Variants in CPXM2 observed in about 807,000 individuals in gnomAD.
The protein encoded by CPXM2 is inactive carboxypeptidase-like protein X2.
A neutral mutation model predicts 86.1 loss-of-function variants in CPXM2; 66 were observed. The observed-to-expected ratio is 0.77, with a 90% CI of 0.63 to 0.94. The LOEUF is 0.94. Among genes scored for constraint, CPXM2 ranks in the 40% least tolerant of loss-of-function variants. CPXM2 has a pLI of 0.00. For synonymous variants in CPXM2, 388 were observed against 400.2 expected (o/e 0.97, Z 0.36); for missense variants, 948 against 1,026.3 (o/e 0.92, Z 1.04).
At chr10:123,913,868 T>A (rs1205343956) in intron 2 of CPXM2, 1 of 398,930 alleles carries the variant, frequency 2.5e-6, no homozygotes, top group East Asian at 7.1e-5. Context: ...CCATCCCTCC[T>A]CAGGAGGCAC....
At chr10:123,928,814 G>T (rs1945644223) in intron 2 of CPXM2, among the ~76,000 whole-genome samples, 1 of 151,962 alleles carries the variant, frequency 6.6e-6, no homozygotes, top group South Asian at 2.1e-4. Context: ...AGACATCAGA[G>T]ATAGGAATAA....
Position 123,891,699 on chromosome 10 carries a change from C to A in CPXM2, c.-40G>T. The A allele has an allele frequency of 7.7e-7, 1 of 1,302,308 alleles. No individual in the cohort carries two copies. Among genetic ancestry groups the A allele is most frequent in the South Asian group, 2.3e-5 (1 of 43,674 alleles). 80.7% of individuals were successfully genotyped at this position (1,302,308 alleles called of 1,614,324 possible). A position where few individuals can be genotyped will look rare whatever the true frequency, so the allele number is the denominator to read the frequency against. On this transcript the variant is annotated 5_prime_UTR_variant, in exon 1 of 14. Transcript: ENST00000241305. This position sits in a 1 kb window ranked among gnomAD's most constrained non-coding sequence, Gnocchi z 5.6. ...GCGCCCAGGGCAGGGTCACGGTCAC[C>A]GGGGGCGCCGGGCGGGCTGCGGGCG...
chr10:123,799,498 C>T (rs1272033214), intron 4 of CPXM2, among the ~76,000 whole-genome samples: 1 of 152,226 alleles, frequency 6.6e-6, no homozygotes, highest in Admixed American at 6.5e-5. Context: ...TAATCACTAA[C>T]CGTTGATCAC....
chr10:123,825,882 G>C (rs1848034180), intron 4 of CPXM2, among the ~76,000 whole-genome samples: 1 of 152,090 alleles, frequency 6.6e-6, no homozygotes, highest in South Asian at 2.1e-4. Context: ...AGGTTTTAAA[G>C]ACTGGTATAT....
chr10:123,825,033 T>C (rs1005487440), intron 4 of CPXM2, among the ~76,000 whole-genome samples: 1 of 152,174 alleles, frequency 6.6e-6, no homozygotes, highest in Non-Finnish European at 1.5e-5. Context: ...GCTTAGAAAT[T>C]GGACACTTAC....
intron 2 of CPXM2, among the ~76,000 whole-genome samples, chr10:123,873,630 C>A (rs1356660072): frequency 1.3e-5 from 2 of 151,940 alleles, no homozygotes; most frequent in African/African-American, 4.8e-5. Flanking sequence ...TGTTATAAAC[C>A]TACAGTAATT....
upstream of CPXM2, among the ~76,000 whole-genome samples, chr10:123,893,700 T>C (rs1945310319): frequency 7.1e-6 from 1 of 141,126 alleles, no homozygotes; most frequent in South Asian, 2.5e-4. Flanking sequence ...TCCCCAGGGC[T>C]CACTCCTGGG....
chr10:123,825,044 C>T (rs1015165059), intron 4 of CPXM2, among the ~76,000 whole-genome samples: 5 of 152,166 alleles, frequency 3.3e-5, no homozygotes, highest in South Asian at 2.1e-4. Flanking sequence ...GGACACTTAC[C>T]GGAAATTCCG....
At chr10:123,864,669 G>A (rs1264996536) in intron 2 of CPXM2, among the ~76,000 whole-genome samples, 4 of 152,130 alleles carry the variant, frequency 2.6e-5, no homozygotes, top group East Asian at 1.9e-4. Context: ...AGTGAGAGAC[G>A]GACAGATGGA....
Position 123,839,216 on chromosome 10 carries a change from A to T in CPXM2, c.653+3133T>A, listed in dbSNP as rs180808664. Among the ~76,000 whole-genome samples the T allele has an allele frequency of 5.3e-5, 8 of 152,310 alleles. No homozygotes were observed. In the East Asian group the frequency reaches 1.5e-3, roughly 29 times the overall value. The stretch of plus-strand genomic sequence containing the variant: ...AGTAGTTATCCCATTTTTAGAGAAC[A>T]GGAAACTGAGGGTCACAGAAGAGAA... On this transcript the variant is annotated intron_variant, in intron 4 of 13. Coordinates refer to ENST00000241305, the MANE Select transcript of CPXM2 (RefSeq NM_198148.3).
chr10:123,770,776 ATCTGTCTACGTGAGACAGCAGTGG>A, intron 8 of CPXM2, 116 bp downstream of exon 8: 2 of 865,156 alleles, frequency 2.3e-6, no homozygotes, highest in Non-Finnish European at 3.5e-6. Flanking sequence ...CATGGGCAAA[ATCTGTCTACGTGAGACAGCAGTGG>A]TGTGGACAGC....
At position 123,754,714 on chromosome 10, in the gene CPXM2, T is replaced by A; in HGVS notation, c.1966A>T (p.Ile656Phe). The change falls in exon 13 of 14, where the codon ATC (isoleucine) becomes TTC (phenylalanine). Residue 656 changes from isoleucine (I) to phenylalanine (F), a missense_variant. By Grantham distance (21) the Ile-to-Phe change is conservative (BLOSUM62 0). Coordinates refer to ENST00000241305, the MANE Select transcript of CPXM2 (RefSeq NM_198148.3). This position sits in a 1 kb window ranked among gnomAD's most constrained non-coding sequence, Gnocchi z 4.0. Reference sequence around the variant, plus strand: ...TCTACGGAGATAATGGCGTTTGGGATTCCTTTTCCATGTGAATCTCTCACC... The same window carrying A: ...TCTACGGAGATAATGGCGTTTGGGAATCCTTTTCCATGTGAATCTCTCACC... ...GLVRDSHGKG[I>F]PNAIISVEGI... 6.2e-7 allele frequency: 1 copy of A among 1,611,980 alleles called. No homozygotes were observed. Among genetic ancestry groups the A allele is most frequent in the East Asian group, 2.2e-5 (1 of 44,858 alleles).
intron 4 of CPXM2, among the ~76,000 whole-genome samples, chr10:123,811,620 T>C (rs929741389): frequency 7.9e-5 from 12 of 152,212 alleles, no homozygotes; most frequent in Non-Finnish European, 1.2e-4. Context: ...CTTTTGCTTA[T>C]TAAAAAACAT....
At chr10:123,864,210 C>T (rs1432269597) in intron 2 of CPXM2, among the ~76,000 whole-genome samples, 6 of 152,040 alleles carry the variant, frequency 3.9e-5, no homozygotes, top group Non-Finnish European at 5.9e-5. Flanking sequence ...CAGGAATAAC[C>T]GGTCTGTCCT....
Position 123,754,650 on chromosome 10 carries a change from C to T in CPXM2, c.2017+13G>A. On this transcript the variant is annotated intron_variant, in intron 13 of 13. Transcript: ENST00000241305. The surrounding 1 kb of genome is among the most constrained non-coding windows in gnomAD (Gnocchi z 4.0). ...TTCTTACCAAGAGACAGTCTGCACA[C>T]ATTTGCAGTTACCTGTTCGGATGTC... The T allele has an allele frequency of 7.2e-7, 1 of 1,394,340 alleles. No individual in the cohort carries two copies. The highest frequency in any genetic ancestry group is 1.0e-6 in the Non-Finnish European group (1 of 979,326). The allele number at this position is 1,394,340 out of a possible 1,614,324, so 86.4% of individuals were successfully genotyped here.
chr10:123,880,625 CA>C (rs1353115311), intron 1 of CPXM2, among the ~76,000 whole-genome samples: 3 of 151,936 alleles, frequency 2.0e-5, no homozygotes, highest in Admixed American at 6.6e-5. Flanking sequence ...GTCAGGAGAT[CA>C]AGACCATCCT....
chr10:123,791,174 G>A (rs1196327341), intron 6 of CPXM2, among the ~76,000 whole-genome samples: 1 of 152,156 alleles, frequency 6.6e-6, no homozygotes, highest in Non-Finnish European at 1.5e-5. Flanking sequence ...AGCACTTTGG[G>A]AGGCTGAGGC....
Position 123,843,201 on chromosome 10 carries a change from C to T in CPXM2, c.514-713G>A, listed in dbSNP as rs539944521. 9.0e-4 allele frequency: 393 copies of T among 435,064 alleles called. 2 individuals are homozygous for T. The highest frequency in any genetic ancestry group is 1.4e-3 in the Non-Finnish European group (309 of 220,082). The allele number at this position is 435,064 out of a possible 1,614,324, so 27.0% of individuals were successfully genotyped here. ...TCCTGGGTTTAAATGACCCTCCCTC[C>T]TCGGCCCTCTGAATAGCTGGGACTA... On this transcript the variant is annotated intron_variant, in intron 3 of 13. Coordinates refer to ENST00000241305, the MANE Select transcript of CPXM2 (RefSeq NM_198148.3).
At chr10:123,752,103 T>A (rs1365426163) in intron 13 of CPXM2, 1 of 985,080 alleles carries the variant, frequency 1.0e-6, no homozygotes, top group Non-Finnish European at 1.2e-6. Flanking sequence ...TCAAAGGAGC[T>A]TCATTTGTAA....
Sources: allele counts gnomAD v4.1 joint callset (sites outside exome capture counted in the v4.1 genomes callset), GRCh38; gene constraint gnomAD v4.1.1; non-coding constraint Gnocchi (gnomAD v3.1); transcripts MANE v1.5; gene names NCBI Gene and HGNC (gene_info 2026-07-23, HGNC 2026-07-21).